COL23A1: variants seen among roughly 807,000 people sequenced by gnomAD.
COL23A1 encodes the protein collagen alpha-1(XXIII) chain.
A neutral mutation model predicts 99.3 loss-of-function variants in COL23A1; 97 were observed. The observed-to-expected ratio is 0.98, with a 90% CI of 0.83 to 1.16. The LOEUF is 1.16. Ranked by LOEUF, COL23A1 falls within the 50% of genes most tolerant of loss-of-function variation. COL23A1 has a pLI of 0.00. For synonymous variants in COL23A1, 320 were observed against 308.2 expected (o/e 1.04, Z -0.40); for missense variants, 762 against 757.4 (o/e 1.01, Z -0.07).
intron 2 of COL23A1, chr5:178,344,953 G>T: frequency 1.6e-6 from 1 of 627,520 alleles, no homozygotes; most frequent in South Asian, 1.4e-5. Flanking sequence ...AAGTGCCAGT[G>T]GTTGCTGAGA....
intron 2 of COL23A1, among the ~76,000 whole-genome samples, chr5:178,533,592 G>A (rs1443998856): frequency 1.3e-5 from 2 of 152,110 alleles, no homozygotes; most frequent in African/African-American, 4.8e-5. Context: ...TCACCTCCCA[G>A]GTTCAAGTGA....
At chr5:178,349,188 GC>G (rs1409916455) in intron 2 of COL23A1, among the ~76,000 whole-genome samples, 2 of 152,156 alleles carry the variant, frequency 1.3e-5, no homozygotes, top group African/African-American at 4.8e-5. Context: ...AGGCTTCCAT[GC>G]TTGGATTTTT....
intron 1 of COL23A1, among the ~76,000 whole-genome samples, chr5:178,584,836 T>G (rs926563485): frequency 9.9e-5 from 15 of 152,284 alleles, no homozygotes; most frequent in Non-Finnish European, 1.5e-4. Flanking sequence ...CCTTCGGGGC[T>G]GGGGAGTGGC....
intron 2 of COL23A1, among the ~76,000 whole-genome samples, chr5:178,392,027 A>T (rs1763991328): frequency 6.6e-6 from 1 of 152,194 alleles, no homozygotes; most frequent in Non-Finnish European, 1.5e-5. Flanking sequence ...GGAATAGGGA[A>T]ATCTGTAGAG....
chr5:178,530,699 C>T (rs1483130042), intron 2 of COL23A1, among the ~76,000 whole-genome samples: 1 of 151,624 alleles, frequency 6.6e-6, no homozygotes, highest in African/African-American at 2.4e-5. Flanking sequence ...CTCCCTCCGG[C>T]TGAGGTCCCT....
At chr5:178,389,884 C>T (rs756736243) in intron 2 of COL23A1, among the ~76,000 whole-genome samples, 3 of 152,198 alleles carry the variant, frequency 2.0e-5, no homozygotes, top group East Asian at 3.8e-4. Flanking sequence ...CCTCCTGAGC[C>T]GTTCTGAAGT....
intron 2 of COL23A1, among the ~76,000 whole-genome samples, chr5:178,508,744 A>C (rs1759023217): frequency 6.6e-6 from 1 of 152,054 alleles, no homozygotes; most frequent in Non-Finnish European, 1.5e-5. Context: ...GTTCTTACCT[A>C]AACAAGTGCA....
chr5:178,309,365 G>C lies in COL23A1; in HGVS notation c.362-2446C>G, dbSNP rs1303476208. On this transcript the variant is annotated intron_variant, in intron 2 of 28. Transcript: ENST00000390654. This position sits in a 1 kb window ranked among gnomAD's most constrained non-coding sequence, Gnocchi z 4.7. ...TGCAGGCCTGGAGCTGGGCAGGACT[G>C]GGGTGTTGCTGAGCATACAGGGCCT... is the stretch of plus-strand genomic sequence containing the variant. Among the ~76,000 whole-genome samples, 1 of 152,118 alleles carries C rather than the reference G, an allele frequency of 6.6e-6. No individual in the cohort carries two copies. Among genetic ancestry groups the C allele is most frequent in the African/African-American group, 2.4e-5 (1 of 41,416 alleles).
intron 25 of COL23A1, among the ~76,000 whole-genome samples, chr5:178,242,984 G>A (rs1316255583): frequency 1.3e-5 from 2 of 151,124 alleles, no homozygotes; most frequent in Non-Finnish European, 3.0e-5. Context: ...ATCACCTGAG[G>A]TCAGGAGTTT....
chr5:178,549,809 C>T (rs1485494858), intron 2 of COL23A1, among the ~76,000 whole-genome samples: 1 of 150,728 alleles, frequency 6.6e-6, no homozygotes, highest in Non-Finnish European at 1.5e-5. Context: ...GAGCAGAATC[C>T]TGTCTCAAAA....
chr5:178,249,016 G>A, intron 19 of COL23A1, 101 bp downstream of exon 19: 1 of 1,206,944 alleles, frequency 8.3e-7, no homozygotes, highest in Non-Finnish European at 1.2e-6. Context: ...CGCAGGGGCT[G>A]TCAGGGTCAC....
intron 2 of COL23A1, among the ~76,000 whole-genome samples, chr5:178,400,446 C>T (rs993919592): frequency 7.7e-5 from 8 of 103,568 alleles, no homozygotes; most frequent in Admixed American, 2.2e-4. Flanking sequence ...TTTTGACAAT[C>T]GAGACACAGA....
chr5:178,389,357 C>G (rs926309519), intron 2 of COL23A1, among the ~76,000 whole-genome samples: 7 of 152,178 alleles, frequency 4.6e-5, no homozygotes, highest in Non-Finnish European at 8.8e-5. Context: ...CCCTGTGTGA[C>G]AGTTACACAG....
At chr5:178,346,577 G>A (rs1760985149) in intron 2 of COL23A1, among the ~76,000 whole-genome samples, 1 of 152,122 alleles carries the variant, frequency 6.6e-6, no homozygotes, top group Non-Finnish European at 1.5e-5. Context: ...ATGTACATAC[G>A]TCTTAATATA....
intron 2 of COL23A1, among the ~76,000 whole-genome samples, chr5:178,485,270 G>A (rs1267977830): frequency 2.6e-5 from 4 of 151,480 alleles, no homozygotes; most frequent in Admixed American, 2.0e-4. Flanking sequence ...TCAGGAGTTC[G>A]AGACCAGCCT....
At chr5:178,476,993 TG>T (rs1295287046) in intron 2 of COL23A1, among the ~76,000 whole-genome samples, 1 of 152,196 alleles carries the variant, frequency 6.6e-6, no homozygotes, top group Non-Finnish European at 1.5e-5. Context: ...TTTCTACCTG[TG>T]TTACCCAACT....
intron 2 of COL23A1, among the ~76,000 whole-genome samples, chr5:178,346,137 T>TA (rs111319018): frequency 0.21 from 31,339 of 151,644 alleles, 3,706 homozygotes; most frequent in African/African-American, 0.31. Context: ...GTAGATTTGT[T>TA]AAAAAAAAAT....
chr5:178,410,345 C>G (rs1764995500), intron 2 of COL23A1, among the ~76,000 whole-genome samples: 1 of 152,146 alleles, frequency 6.6e-6, no homozygotes, highest in Non-Finnish European at 1.5e-5. Flanking sequence ...CTCCAGCCAC[C>G]TTTTCTGCAA....
At chr5:178,485,378 G>C (rs955487050) in intron 2 of COL23A1, among the ~76,000 whole-genome samples, 1 of 152,060 alleles carries the variant, frequency 6.6e-6, no homozygotes, top group Non-Finnish European at 1.5e-5. Flanking sequence ...GGCAGGCTGA[G>C]GTGGGAGGAT....
Sources: gnomAD v4.1 joint callset for allele counts (sites outside exome capture counted in the v4.1 genomes callset) on GRCh38, gnomAD v4.1.1 for gene constraint, Gnocchi (gnomAD v3.1) non-coding constraint, MANE v1.5 for transcripts, NCBI Gene and HGNC (gene_info 2026-07-23, HGNC 2026-07-21) for gene names.